The following CERS6 variants were observed in gnomAD, a reference collection of about 807,000 sequenced individuals.
The protein encoded by CERS6 is LAG1 homolog, ceramide synthase 6.
In CERS6, 26 loss-of-function variants were observed where a neutral mutation model predicts 56.8. The observed-to-expected ratio is 0.46, with a 90% confidence interval of 0.34 to 0.63. The LOEUF is 0.63. Among genes scored for constraint, CERS6 ranks in the 30% least tolerant of loss-of-function variants. The pLI is 0.01. For missense variants in CERS6, 415 were observed against 467.5 expected (o/e 0.89, Z 1.04); for synonymous variants, 164 against 173.3 (o/e 0.95, Z 0.42).
intron 3 of CERS6, among the ~76,000 whole-genome samples, chr2:168,598,897 C>T (rs1683867507): frequency 6.6e-6 from 1 of 152,178 alleles, no homozygotes; most frequent in African/African-American, 2.4e-5. Flanking sequence ...ACTAATTCAC[C>T]TCTCTGGAGA....
intron 3 of CERS6, among the ~76,000 whole-genome samples, chr2:168,621,189 C>T (rs1283797807): frequency 6.6e-6 from 1 of 152,186 alleles, no homozygotes; most frequent in East Asian, 1.9e-4. Flanking sequence ...GTTCAAGGGA[C>T]ACATGACATT....
rs1180561871 is a variant in CERS6, at chr2:168,561,218, C to T, written c.303C>T (p.Gly101=). Residue 101 remains glycine (G), a synonymous_variant, in exon 3 of 10, where the codon GGC becomes GGT. Coordinates refer to ENST00000305747, the MANE Select transcript of CERS6 (RefSeq NM_203463.3). ...ATCCTGATGAAAAGAGATTGGAAGG[C>T]CTCTCCAAGCAACTGGACTGGGATG... ...TKHPDEKRLE[G]LSKQLDWDVR... is the part of the protein sequence containing the mutation. 1 of 1,613,742 alleles carries T rather than the reference C, an allele frequency of 6.2e-7. No individual in the cohort carries two copies. Among genetic ancestry groups the T allele is most frequent in the Non-Finnish European group, 8.5e-7 (1 of 1,179,818 alleles).
intron 8 of CERS6, among the ~76,000 whole-genome samples, chr2:168,752,767 T>C (rs902908969): frequency 2.6e-5 from 4 of 152,252 alleles, no homozygotes; most frequent in African/African-American, 9.6e-5. Flanking sequence ...CTCATAAATA[T>C]AGCATTTGTT....
chr2:168,495,762 AG>A (rs1487672124), intron 1 of CERS6, among the ~76,000 whole-genome samples: 1 of 152,182 alleles, frequency 6.6e-6, no homozygotes, highest in Non-Finnish European at 1.5e-5. Context: ...TTTCACATAT[AG>A]TGTCATATCT....
chr2:168,530,917 C>T (rs1011924302), intron 1 of CERS6, among the ~76,000 whole-genome samples: 3 of 152,098 alleles, frequency 2.0e-5, no homozygotes, highest in Non-Finnish European at 4.4e-5. Context: ...TCTTGTGAAT[C>T]GTTTTTAGCT....
intron 1 of CERS6, among the ~76,000 whole-genome samples, chr2:168,515,886 A>T (rs1264267842): frequency 2.0e-5 from 3 of 152,242 alleles, no homozygotes; most frequent in African/African-American, 7.2e-5. Flanking sequence ...GAGAAGCACC[A>T]GCTCATGGAG....
chr2:168,512,668 T>C (rs1694809402), intron 1 of CERS6, among the ~76,000 whole-genome samples: 1 of 138,390 alleles, frequency 7.2e-6, no homozygotes, highest in East Asian at 2.0e-4. Context: ...TATTTTCTTT[T>C]CTTTTTTTTT....
chr2:168,647,449 G>A (rs1685232803), intron 4 of CERS6, among the ~76,000 whole-genome samples: 1 of 152,166 alleles, frequency 6.6e-6, no homozygotes, highest in African/African-American at 2.4e-5. Flanking sequence ...ATCGAATCAT[G>A]TTGTCTGCAA....
intron 6 of CERS6, among the ~76,000 whole-genome samples, chr2:168,699,102 C>T (rs1287540414): frequency 1.3e-5 from 2 of 152,160 alleles, no homozygotes; most frequent in African/African-American, 4.8e-5. Context: ...TGCTTTTCCC[C>T]TTTGCGTCTT....
chr2:168,683,832 TGTA>T (rs1379172954), intron 4 of CERS6, among the ~76,000 whole-genome samples: 1 of 152,138 alleles, frequency 6.6e-6, no homozygotes, highest in African/African-American at 2.4e-5. Context: ...TACCCTGAGC[TGTA>T]GTGTGCATAG....
intron 1 of CERS6, among the ~76,000 whole-genome samples, chr2:168,480,201 A>G (rs2167630): frequency 0.012 from 1,762 of 152,296 alleles, 36 homozygotes; most frequent in African/African-American, 0.039. Flanking sequence ...TCAGCAGGGC[A>G]CTAAGTTGTT....
At chr2:168,669,913 A>T (rs1685865846) in intron 4 of CERS6, among the ~76,000 whole-genome samples, 2 of 152,234 alleles carry the variant, frequency 1.3e-5, no homozygotes, top group Admixed American at 1.3e-4. Flanking sequence ...CTGGTCAAAC[A>T]TATTGAAGAA....
chr2:168,735,862 CAGA>C (rs1340900116), intron 8 of CERS6, among the ~76,000 whole-genome samples: 1 of 110,890 alleles, frequency 9.0e-6, no homozygotes, highest in Admixed American at 1.3e-4. Context: ...GCCTAGGAGA[CAGA>C]AGGAGACCCT....
intron 8 of CERS6, among the ~76,000 whole-genome samples, chr2:168,746,815 A>G (rs954288443): frequency 5.1e-4 from 57 of 112,588 alleles, no homozygotes; most frequent in African/African-American, 7.6e-4. Flanking sequence ...ATATATATAT[A>G]TATATAAAAT....
intron 1 of CERS6, among the ~76,000 whole-genome samples, chr2:168,483,218 C>T (rs1694208908): frequency 6.6e-6 from 1 of 151,842 alleles, no homozygotes; most frequent in African/African-American, 2.4e-5. Flanking sequence ...ATTTTTACTT[C>T]TTTTTTTATA....
chr2:168,520,543 C>G (rs1296082811), intron 1 of CERS6, among the ~76,000 whole-genome samples: 1 of 136,288 alleles, frequency 7.3e-6, no homozygotes, highest in Admixed American at 7.5e-5. Flanking sequence ...AGGTTTTCTT[C>G]TAGGATCTTT....
At chr2:168,764,316 G>A (rs1232979528) in intron 8 of CERS6, among the ~76,000 whole-genome samples, 1 of 151,820 alleles carries the variant, frequency 6.6e-6, no homozygotes, top group Non-Finnish European at 1.5e-5. Flanking sequence ...CTAATTTTTT[G>A]TATTTTTAAT....
At chr2:168,581,910 T>C (rs1053845999) in intron 3 of CERS6, among the ~76,000 whole-genome samples, 1 of 152,136 alleles carries the variant, frequency 6.6e-6, no homozygotes, top group Admixed American at 6.6e-5. Flanking sequence ...ATGCTTATGC[T>C]CCTGTCCGGC....
chr2:168,562,520 A>T (rs1695809222), intron 3 of CERS6, among the ~76,000 whole-genome samples: 1 of 152,202 alleles, frequency 6.6e-6, no homozygotes, highest in African/African-American at 2.4e-5. Context: ...TGAGCAAAAG[A>T]ATCTATGTTA....
Sources: allele counts gnomAD v4.1 joint callset (sites outside exome capture counted in the v4.1 genomes callset), GRCh38; gene constraint gnomAD v4.1.1; transcripts MANE v1.5; gene names NCBI Gene and HGNC (gene_info 2026-07-23, HGNC 2026-07-21).